Variants in PDE3A observed in about 807,000 individuals in gnomAD.
The protein encoded by PDE3A is cGMP-inhibited 3',5'-cyclic phosphodiesterase 3A.
A neutral mutation model predicts 98.3 loss-of-function variants in PDE3A; 43 were observed. The ratio of observed to expected loss-of-function variants is 0.44; its 90% confidence interval spans 0.34 to 0.56. PDE3A has a LOEUF of 0.56. Among genes scored for constraint, PDE3A ranks in the 20% least tolerant of loss-of-function variants. PDE3A has a pLI of 0.01. For synonymous variants in PDE3A, 663 were observed against 567.9 expected (o/e 1.17, Z -2.38); for missense variants, 1,427 against 1,440.7 (o/e 0.99, Z 0.15).
chr12:20,432,255 C>T (rs1944710590), intron 1 of PDE3A, among the ~76,000 whole-genome samples: 1 of 152,054 alleles, frequency 6.6e-6, no homozygotes, highest in Non-Finnish European at 1.5e-5. Context: ...TGAATTCTTA[C>T]TATGTTTCTG....
chr12:20,482,569 G>GT (rs1219173470), intron 1 of PDE3A, among the ~76,000 whole-genome samples: 7 of 152,102 alleles, frequency 4.6e-5, no homozygotes, highest in African/African-American at 1.7e-4. Flanking sequence ...TAAAATAAAA[G>GT]TTTTTTTCTC....
chr12:20,431,629 A>T (rs11045244), intron 1 of PDE3A, among the ~76,000 whole-genome samples: 50,448 of 151,638 alleles, frequency 0.33, 10,129 homozygotes, highest in East Asian at 0.69. Flanking sequence ...ACACGCACAC[A>T]CACGCACGCA....
chr12:20,494,357 T>C (rs922224317), intron 1 of PDE3A, among the ~76,000 whole-genome samples: 2 of 152,238 alleles, frequency 1.3e-5, no homozygotes, highest in Non-Finnish European at 1.5e-5. Context: ...GGTTTCATAT[T>C]GTTTATGAAA....
chr12:20,577,626 T>G (rs1942967043), intron 2 of PDE3A, among the ~76,000 whole-genome samples: 1 of 152,194 alleles, frequency 6.6e-6, no homozygotes, highest in South Asian at 2.1e-4. Context: ...AAATAATCTC[T>G]TTATGTTCAT....
chr12:20,673,616 C>G lies in PDE3A; in HGVS notation c.3185-6414C>G, dbSNP rs202029071. 4.7e-4 allele frequency among the ~76,000 whole-genome samples: 71 copies of G among 149,814 alleles called. 2 individuals carry two copies. The East Asian group carries it at 9.6e-3, about 20-fold the overall frequency. On this transcript the variant is annotated intron_variant, in intron 15 of 15. Transcript: ENST00000359062. ...ATTGCAAGAACAAAAAACCAAAGAC[C>G]GCATATTCTCACTCATAGGTGGGAA...
chr12:20,536,783 T>A (rs1242828043), intron 1 of PDE3A, among the ~76,000 whole-genome samples: 1 of 152,142 alleles, frequency 6.6e-6, no homozygotes, highest in African/African-American at 2.4e-5. Flanking sequence ...GTTTATCCAT[T>A]GATTAGTTAG....
intron 1 of PDE3A, among the ~76,000 whole-genome samples, chr12:20,452,711 T>A (rs537003726): frequency 1.6e-4 from 25 of 152,318 alleles, no homozygotes; most frequent in South Asian, 8.3e-4. Context: ...GCTGGTAGAA[T>A]TGTGCAACAG....
rs1491313565 is a variant in PDE3A, at chr12:20,525,468, G to GT, written c.961-31192_961-31191insT. On this transcript the variant is annotated intron_variant, in intron 1 of 15. Transcript: ENST00000359062. The stretch of plus-strand genomic sequence containing the variant: ...AACATGGAAACATTCTGATTTGGTT[G>GT]GGGGGGGGGGCTTTTGACATCATCT... Among the ~76,000 whole-genome samples the GT allele has an allele frequency of 2.7e-4, 25 of 91,982 alleles. 1 individual carries two copies. The East Asian group carries it at 8.1e-3, about 30-fold the overall frequency. The allele number at this position is 91,982 out of a possible 152,430, so 60.3% of individuals were successfully genotyped here.
At chr12:20,540,483 C>T (rs1240335905) in intron 1 of PDE3A, among the ~76,000 whole-genome samples, 1 of 151,904 alleles carries the variant, frequency 6.6e-6, no homozygotes, top group South Asian at 2.1e-4. Flanking sequence ...TTATCTTGGG[C>T]ATATGGGGCA....
At position 20,684,693 on chromosome 12, in the gene PDE3A, A is replaced by G. The variant is rs1037437753; in HGVS notation, c.*4422A>G. Among the ~76,000 whole-genome samples, 7 of 152,232 alleles carry G rather than the reference A, an allele frequency of 4.6e-5. No homozygotes were observed. Among genetic ancestry groups the G allele is most frequent in the East Asian group, 1.9e-4 (1 of 5,190 alleles). On this transcript the variant is annotated 3_prime_UTR_variant, in exon 16 of 16. Transcript: ENST00000359062. ...AACAAAATTCAATTTTAAGATTAAG[A>G]AATCAGCAATTTTAGGTAAAGAATA...
At chr12:20,495,390 A>G (rs1591988750) in intron 1 of PDE3A, among the ~76,000 whole-genome samples, 1 of 152,196 alleles carries the variant, frequency 6.6e-6, no homozygotes, top group East Asian at 1.9e-4. Flanking sequence ...AGGTAGAATC[A>G]TACAAAGAAA....
intron 15 of PDE3A, among the ~76,000 whole-genome samples, chr12:20,664,879 C>T (rs1332447596): frequency 6.6e-6 from 1 of 152,102 alleles, no homozygotes; most frequent in Non-Finnish European, 1.5e-5. Flanking sequence ...TCCAACCTTC[C>T]CTTTCTCAGT....
intron 8 of PDE3A, among the ~76,000 whole-genome samples, chr12:20,635,397 C>T (rs1453804054): frequency 2.0e-5 from 3 of 152,110 alleles, no homozygotes; most frequent in East Asian, 3.9e-4. Flanking sequence ...GGTGAAACCC[C>T]GTCTCTACTA....
rs566234623 is a variant in PDE3A, at chr12:20,438,735, G to A, written c.960+68491G>A. ...AATCACTGAGCCAGACCCATGATTC[G>A]TGGATTCTCTTGTCACTTAAGATGT... On this transcript the variant is annotated intron_variant, in intron 1 of 15. Coordinates refer to ENST00000359062, the MANE Select transcript of PDE3A (RefSeq NM_000921.5). Among the ~76,000 whole-genome samples, 11 of 151,436 alleles carry A rather than the reference G, an allele frequency of 7.3e-5. 1 individual carries two copies. Among genetic ancestry groups the A allele is most frequent in the South Asian group, 6.2e-4 (3 of 4,804 alleles).
intron 15 of PDE3A, among the ~76,000 whole-genome samples, chr12:20,655,548 A>G (rs983221870): frequency 1.3e-5 from 2 of 152,218 alleles, no homozygotes; most frequent in Non-Finnish European, 2.9e-5. Context: ...TCTGCTTATC[A>G]CTAGAGACAG....
rs2203493 is a variant in PDE3A, at chr12:20,688,187, A to T, written c.*7916A>T. The stretch of plus-strand genomic sequence containing the variant: ...TTGCCAAATTTTTCAACTTCTAGAA[A>T]AACAAGAGTGAGTCTTTTGAACTTC... On this transcript the variant is annotated 3_prime_UTR_variant, in exon 16 of 16. Coordinates refer to ENST00000359062, the MANE Select transcript of PDE3A (RefSeq NM_000921.5). Among the ~76,000 whole-genome samples, 77,633 of 151,578 alleles carry T rather than the reference A, an allele frequency of 0.51. 21,017 individuals carry two copies. Among genetic ancestry groups the T allele is most frequent in the East Asian group, 0.75 (3,850 of 5,148 alleles).
intron 1 of PDE3A, among the ~76,000 whole-genome samples, chr12:20,484,221 T>G (rs1175160961): frequency 1.3e-5 from 2 of 152,238 alleles, no homozygotes; most frequent in Non-Finnish European, 2.9e-5. Context: ...CCCTCTGAGT[T>G]AAACAAAGTA....
chr12:20,380,227 A>G (rs971620831), intron 1 of PDE3A, among the ~76,000 whole-genome samples: 1 of 151,914 alleles, frequency 6.6e-6, no homozygotes, highest in African/African-American at 2.4e-5. Context: ...ATTGTGATCA[A>G]TTACAAAACA....
chr12:20,572,209 A>G (rs1445121428), intron 2 of PDE3A: 1 of 930,954 alleles, frequency 1.1e-6, no homozygotes, highest in African/African-American at 1.7e-5. Flanking sequence ...GATTTTCAAC[A>G]GAAATTATAT....
Sources: allele counts gnomAD v4.1 joint callset (sites outside exome capture counted in the v4.1 genomes callset), GRCh38; gene constraint gnomAD v4.1.1; transcripts MANE v1.5; gene names NCBI Gene and HGNC (gene_info 2026-07-23, HGNC 2026-07-21).